The following KCTD8 variants were observed in gnomAD, a reference collection of about 807,000 sequenced individuals.
KCTD8 encodes BTB/POZ domain-containing protein KCTD8.
Under a neutral mutation model 31.5 loss-of-function variants are expected in KCTD8, and 27 were observed. The ratio of observed to expected loss-of-function variants is 0.86; its 90% CI spans 0.63 to 1.18. The LOEUF (loss-of-function observed/expected upper bound fraction) is 1.18. Ranked by LOEUF, KCTD8 falls within the 50% of genes most tolerant of loss-of-function variation. The probability of loss-of-function intolerance (pLI) is 0.00; values close to 1 mark genes in which losing one functional copy is unlikely to be tolerated. For missense variants in KCTD8, 658 were observed against 647.7 expected (o/e 1.02, Z -0.17); for synonymous variants, 290 against 280.0 (o/e 1.04, Z -0.36).
intron 1 of KCTD8, among the ~76,000 whole-genome samples, chr4:44,286,981 C>T (rs1717098557): frequency 6.6e-6 from 1 of 152,074 alleles, no homozygotes; most frequent in South Asian, 2.1e-4. Context: ...AGCAACCTAG[C>T]AGATGGTGTT....
rs1207907638 is a variant in KCTD8 at position 44,280,315 on chromosome 4, T to C, written c.962-105065A>G. Among the ~76,000 whole-genome samples, 7 of 152,178 alleles carry C rather than the reference T, an allele frequency of 4.6e-5. No homozygotes were observed. In the East Asian group the frequency reaches 1.4e-3, roughly 29 times the overall value. On this transcript the variant is annotated intron_variant, in intron 1 of 1. Coordinates refer to ENST00000360029, the MANE Select transcript of KCTD8 (RefSeq NM_198353.3). ...CAGGTAGGAGCCACTGGACAATATA[T>C]GATTCATACTGCTACCCTCTGGGTA...
chr4:44,371,914 A>G (rs1335579035), intron 1 of KCTD8, among the ~76,000 whole-genome samples: 1 of 152,016 alleles, frequency 6.6e-6, no homozygotes, highest in Non-Finnish European at 1.5e-5. Flanking sequence ...TTTTCTTTCC[A>G]TCCTGATTCC....
At chr4:44,369,601 T>C (rs1719730918) in intron 1 of KCTD8, among the ~76,000 whole-genome samples, 1 of 151,744 alleles carries the variant, frequency 6.6e-6, no homozygotes, top group Admixed American at 6.6e-5. Context: ...AGCCCAGGAG[T>C]TCATGAACAG....
intron 1 of KCTD8, among the ~76,000 whole-genome samples, chr4:44,213,632 G>C (rs1276775028): frequency 2.0e-5 from 3 of 152,042 alleles, no homozygotes; most frequent in Admixed American, 1.3e-4. Context: ...TCCATATCTA[G>C]AATGAAAAAT....
intron 1 of KCTD8, among the ~76,000 whole-genome samples, chr4:44,305,054 A>G (rs532017233): frequency 6.6e-6 from 1 of 152,036 alleles, no homozygotes; most frequent in Non-Finnish European, 1.5e-5. Flanking sequence ...AGAATATTTT[A>G]TGGTTTCAGA....
intron 1 of KCTD8, among the ~76,000 whole-genome samples, chr4:44,232,737 A>G (rs545099807): frequency 6.6e-6 from 1 of 152,182 alleles, no homozygotes; most frequent in Non-Finnish European, 1.5e-5. Context: ...CCTTTGGGGA[A>G]ACAGCAATCC....
At position 44,174,810 on chromosome 4, in the gene KCTD8, A is replaced by G; in HGVS notation, c.1402T>C (p.Leu468=). Residue 468 remains leucine, a synonymous_variant, in exon 2 of 2, where the codon TTG becomes CTG. Coordinates refer to ENST00000360029, the MANE Select transcript of KCTD8 (RefSeq NM_198353.3). ...ERKRQWQSEL[L]QKYGL ...AATTACTATAACCCATACTTCTGCAACAGTTCAGATTGCCATTGGCGTTTG... is the reference window on the plus strand; with the variant it reads ...AATTACTATAACCCATACTTCTGCAGCAGTTCAGATTGCCATTGGCGTTTG... The G allele has an allele frequency of 6.2e-7, 1 of 1,609,062 alleles. No individual in the cohort carries two copies. Among genetic ancestry groups the G allele is most frequent in the South Asian group, 1.1e-5 (1 of 90,396 alleles).
At chr4:44,328,646 G>T (rs1718516618) in intron 1 of KCTD8, among the ~76,000 whole-genome samples, 1 of 151,916 alleles carries the variant, frequency 6.6e-6, no homozygotes, top group Non-Finnish European at 1.5e-5. Flanking sequence ...AAAATCATGA[G>T]AATCAAGTTC....
At chr4:44,399,686 T>C (rs892124729) in intron 1 of KCTD8, among the ~76,000 whole-genome samples, 2 of 152,206 alleles carry the variant, frequency 1.3e-5, no homozygotes, top group Admixed American at 6.5e-5. Context: ...GGAGACCATA[T>C]TCTTTTAAAC....
chr4:44,368,129 CACTT>C (rs1184423347), intron 1 of KCTD8, among the ~76,000 whole-genome samples: 4 of 152,130 alleles, frequency 2.6e-5, no homozygotes, highest in African/African-American at 9.7e-5. Context: ...GTAATCTCAG[CACTT>C]TGGGAGGCTG....
chr4:44,238,998 A>G (rs181999276), intron 1 of KCTD8, among the ~76,000 whole-genome samples: 1 of 152,318 alleles, frequency 6.6e-6, no homozygotes, highest in East Asian at 1.9e-4. Flanking sequence ...TAAGGAAACA[A>G]AAAACACAGC....
At chr4:44,175,400 G>T in intron 1 of KCTD8, 150 bp from the exon 2 acceptor site, 1 of 510,000 alleles carries the variant, frequency 2.0e-6, no homozygotes, top group Non-Finnish European at 3.4e-6. Context: ...AGGTTTGTGA[G>T]ATTAAATACA....
intron 1 of KCTD8, among the ~76,000 whole-genome samples, chr4:44,441,564 T>C (rs1342135626): frequency 1.3e-5 from 2 of 152,156 alleles, no homozygotes; most frequent in Admixed American, 6.5e-5. Flanking sequence ...ATTTGCCAAA[T>C]TGACTGCCAG....
At chr4:44,296,679 C>T (rs1271682713) in intron 1 of KCTD8, among the ~76,000 whole-genome samples, 1 of 152,046 alleles carries the variant, frequency 6.6e-6, no homozygotes, top group Admixed American at 6.5e-5. Flanking sequence ...TGAATGGTAT[C>T]ATGTGGGCTT....
Position 44,448,596 on chromosome 4 carries a change from T to C in KCTD8, c.-73A>G. Reference sequence around the variant, plus strand: ...GTTCCCGGAGCCCGCGCCCCAGCCCTCCGCGTGCTCCTGGCGCTCTGCGCC... The same window carrying C: ...GTTCCCGGAGCCCGCGCCCCAGCCCCCCGCGTGCTCCTGGCGCTCTGCGCC... On this transcript the variant is annotated 5_prime_UTR_variant, in exon 1 of 2. Transcript: ENST00000360029. This position sits in a 1 kb window ranked among gnomAD's most constrained non-coding sequence, Gnocchi z 4.1. 7.4e-7 allele frequency: 1 copy of C among 1,348,202 alleles called. No homozygotes were observed. The highest frequency in any genetic ancestry group is 9.5e-7 in the Non-Finnish European group (1 of 1,051,528). The allele number at this position is 1,348,202 out of a possible 1,614,324, so 83.5% of individuals were successfully genotyped here.
intron 1 of KCTD8, among the ~76,000 whole-genome samples, chr4:44,281,167 C>T (rs1335736063): frequency 6.6e-6 from 1 of 151,990 alleles, no homozygotes; most frequent in Non-Finnish European, 1.5e-5. Context: ...TTACATGCCC[C>T]AAATCCTTCA....
intron 1 of KCTD8, among the ~76,000 whole-genome samples, chr4:44,379,296 C>T (rs1719999367): frequency 6.6e-6 from 1 of 152,072 alleles, no homozygotes; most frequent in Admixed American, 6.6e-5. Flanking sequence ...GTTACTTACA[C>T]TTTGAGTACA....
chr4:44,410,401 C>T (rs1273734584), intron 1 of KCTD8, among the ~76,000 whole-genome samples: 1 of 152,252 alleles, frequency 6.6e-6, no homozygotes, highest in Non-Finnish European at 1.5e-5. Context: ...TTACTTCATG[C>T]AATAGTCTCA....
At chr4:44,291,440 A>G (rs1717269292) in intron 1 of KCTD8, among the ~76,000 whole-genome samples, 1 of 152,176 alleles carries the variant, frequency 6.6e-6, no homozygotes, top group Non-Finnish European at 1.5e-5. Context: ...CCATATGCAG[A>G]AGAATGAAAC....
Sources: gnomAD v4.1 joint callset for allele counts (sites outside exome capture counted in the v4.1 genomes callset) on GRCh38, gnomAD v4.1.1 for gene constraint, Gnocchi (gnomAD v3.1) non-coding constraint, MANE v1.5 for transcripts, NCBI Gene and HGNC (gene_info 2026-07-23, HGNC 2026-07-21) for gene names.